Variants in IL1F10 observed in about 807,000 individuals in gnomAD.
IL1F10 encodes the protein interleukin-1 family member 10.
A neutral mutation model predicts 13.1 loss-of-function variants in IL1F10; 13 were observed. That is an observed-to-expected ratio of 0.99 (90% CI 0.64 to 1.57). IL1F10 has a LOEUF of 1.57. Ranked by LOEUF, IL1F10 falls within the 40% of genes most tolerant of loss-of-function variation. The pLI, the probability that IL1F10 is intolerant of heterozygous loss-of-function variation, is 0.00. For synonymous variants in IL1F10, 78 were observed against 68.2 expected (o/e 1.14, Z -0.71); for missense variants, 191 against 184.1 (o/e 1.04, Z -0.22).
Position 113,072,737 on chromosome 2 carries a change from G to A in IL1F10, c.-2G>A. On this transcript the variant is annotated 5_prime_UTR_variant, in exon 2 of 5. Transcript: ENST00000341010. ...GAGGACCAGACACCACTGATTGCAG[G>A]AATGTGTTCCCTCCCCATGGCAAGA... is the stretch of plus-strand genomic sequence containing the variant. The A allele has an allele frequency of 1.9e-6, 3 of 1,613,264 alleles. No individual in the cohort carries two copies. The highest frequency in any genetic ancestry group is 2.5e-6 in the Non-Finnish European group (3 of 1,179,518).
In IL1F10 at chr2:113,072,789, T is replaced by C. The variant is rs367937263; in HGVS notation, c.32+19T>C. ...ACTACATGTAAGTTGTCCTGGCATGTCCCTGCTTTCCAAGCCAGGGGGTCA... is the reference window on the plus strand; with the variant it reads ...ACTACATGTAAGTTGTCCTGGCATGCCCCTGCTTTCCAAGCCAGGGGGTCA... On this transcript the variant is annotated intron_variant, in intron 2 of 4. Coordinates refer to ENST00000341010, the MANE Select transcript of IL1F10 (RefSeq NM_173161.3). The C allele has an allele frequency of 1.6e-5, 25 of 1,609,278 alleles. No homozygotes were observed. Among genetic ancestry groups the C allele is most frequent in the Admixed American group, 5.0e-5 (3 of 59,808 alleles).
chr2:113,074,366 G>C lies in IL1F10; in HGVS notation c.70G>C (p.Asp24His). ...YADQKALYTR[D>H]GQLLVGDPVA... is the part of the protein sequence containing the mutation. ...AGACCAGAAGGCTCTATACACAAGAGATGGCCAGCTGCTGGTGGGAGATCC... is the reference window on the plus strand; with the variant it reads ...AGACCAGAAGGCTCTATACACAAGACATGGCCAGCTGCTGGTGGGAGATCC... The change falls in exon 3 of 5, where the codon GAT (aspartate) becomes CAT (histidine). Residue 24 changes from aspartate to histidine, a missense_variant. Physicochemically the swap from Asp to His is moderately conservative, Grantham distance 81 (BLOSUM62 -1). Transcript: ENST00000341010. The C allele has an allele frequency of 6.2e-7, 1 of 1,613,984 alleles. No individual in the cohort carries two copies. Among genetic ancestry groups the C allele is most frequent in the Non-Finnish European group, 8.5e-7 (1 of 1,179,850 alleles).
In IL1F10 at chr2:113,075,214, G is replaced by C; in HGVS notation, c.309G>C (p.Gln103His). Residue 103 changes from glutamine (Q) to histidine (H), a missense_variant, in exon 5 of 5, where the codon CAG (glutamine) becomes CAC (histidine). By Grantham distance (24) the Gln-to-His change is conservative. Transcript: ENST00000341010. Reference sequence around the variant, plus strand: ...AGGCCACACGCTTCACCTTCTTCCAGAGCAGCTCAGGCTCCGCCTTCAGGC... The same window carrying C: ...AGGCCACACGCTTCACCTTCTTCCACAGCAGCTCAGGCTCCGCCTTCAGGC... ...GEEATRFTFF[Q>H]SSSGSAFRLE... The C allele has an allele frequency of 3.1e-6, 5 of 1,613,974 alleles. No individual in the cohort carries two copies. The highest frequency in any genetic ancestry group is 4.2e-6 in the Non-Finnish European group (5 of 1,179,970).
intron 1 of IL1F10, among the ~76,000 whole-genome samples, chr2:113,069,616 T>A (rs1278940069): frequency 2.6e-5 from 4 of 152,220 alleles, no homozygotes; most frequent in Non-Finnish European, 5.9e-5. Context: ...TTTGGTTGGA[T>A]ATCAGCAGGA....
chr2:113,074,140 C>T (rs1176263595), intron 2 of IL1F10, among the ~76,000 whole-genome samples, 189 bp from the exon 3 acceptor site: 1 of 152,192 alleles, frequency 6.6e-6, no homozygotes, highest in Non-Finnish European at 1.5e-5. Flanking sequence ...ACACAGGAGA[C>T]CTTCCTTGCT....
intron 1 of IL1F10, 40 bp from the exon 2 acceptor site, chr2:113,072,671 C>T (rs1237315027): frequency 1.4e-6 from 2 of 1,443,322 alleles, no homozygotes; most frequent in Non-Finnish European, 1.9e-6. Flanking sequence ...TGGCTTCACC[C>T]AGCCTCCTTT....
At chr2:113,074,674 C>T (rs766852034) in intron 3 of IL1F10, 49 bp from the exon 4 acceptor site, 2 of 1,609,690 alleles carry the variant, frequency 1.2e-6, no homozygotes, top group South Asian at 2.2e-5. Flanking sequence ...CAAGAGCCTG[C>T]AACATGGGGT....
At chr2:113,072,906 A>C (rs1685864973) in intron 2 of IL1F10, 136 bp downstream of exon 2, 1 of 701,732 alleles carries the variant, frequency 1.4e-6, no homozygotes, top group Non-Finnish European at 2.5e-6. Flanking sequence ...CTTCATCATC[A>C]CCACAGTAGC....
intron 4 of IL1F10, 49 bp from the exon 5 acceptor site, chr2:113,075,103 C>A: frequency 6.6e-7 from 1 of 1,525,166 alleles, no homozygotes. Context: ...CCAGGGCTAA[C>A]ACCTCCATCA....
intron 3 of IL1F10, 109 bp from the exon 4 acceptor site, chr2:113,074,613 CA>C: frequency 7.2e-7 from 1 of 1,391,100 alleles, no homozygotes. Context: ...CATGCAGGGC[CA>C]GGCCAGGTGT....
chr2:113,075,698 GA>G lies in IL1F10; in HGVS notation c.*336del, dbSNP rs1206609455. 2 of 176,046 alleles carry G rather than the reference GA, an allele frequency of 1.1e-5. No homozygotes were observed. Among genetic ancestry groups the G allele is most frequent in the Non-Finnish European group, 2.4e-5 (2 of 84,398 alleles). The allele number at this position is 176,046 out of a possible 1,614,324, so 10.9% of individuals were successfully genotyped here. A position where few individuals can be genotyped will look rare whatever the true frequency, so the allele number is the denominator to read the frequency against. ...GAGCCAACAAATGCAGGTGTTTTTA[GA>G]AGGTGGAAAAGCCAAGGGAACGGAT... On this transcript the variant is annotated 3_prime_UTR_variant, in exon 5 of 5. Transcript: ENST00000341010.
intron 2 of IL1F10, among the ~76,000 whole-genome samples, chr2:113,073,635 A>G (rs1047724264): frequency 2.0e-5 from 3 of 152,178 alleles, no homozygotes; most frequent in African/African-American, 7.2e-5. Flanking sequence ...CCGGAAGTTT[A>G]TTTTTATTGT....
chr2:113,072,623 C>A (rs539520371), intron 1 of IL1F10, 88 bp from the exon 2 acceptor site: 2 of 847,586 alleles, frequency 2.4e-6, no homozygotes, highest in Non-Finnish European at 3.8e-6. Context: ...CCGTGCAGCC[C>A]TTGGCTGAGT....
chr2:113,074,804 G>C lies in IL1F10; in HGVS notation c.200G>C (p.Cys67Ser), dbSNP rs1405588416. The C allele has an allele frequency of 6.2e-7, 1 of 1,613,488 alleles. No individual in the cohort carries two copies. Among genetic ancestry groups the C allele is most frequent in the Non-Finnish European group, 8.5e-7 (1 of 1,180,006 alleles). The change falls in exon 4 of 5, where the codon TGC (cysteine) becomes TCC (serine). Residue 67 changes from cysteine (C) to serine (S), a missense_variant. Cys to Ser is a moderately radical substitution (Grantham distance 112). Transcript: ENST00000341010. ...IFLGIQGGSR[C>S]LACVETEEGP... ...CTGGGGATCCAGGGAGGGAGCCGCT[G>C]CCTGGCATGTGTGGAGACAGAAGAG...
Position 113,074,796 on chromosome 2 carries a change from G to T in IL1F10, c.192G>T (p.Gly64=), listed in dbSNP as rs771151360. The change falls in exon 4 of 5, where the codon GGG becomes GGT. Residue 64 remains glycine, a synonymous_variant. Coordinates refer to ENST00000341010, the MANE Select transcript of IL1F10 (RefSeq NM_173161.3). ...CCATTTTCCTGGGGATCCAGGGAGG[G>T]AGCCGCTGCCTGGCATGTGTGGAGA... is the stretch of plus-strand genomic sequence containing the variant. ...KVPIFLGIQG[G]SRCLACVETE... The T allele has an allele frequency of 1.2e-6, 2 of 1,613,764 alleles. No homozygotes were observed. Among genetic ancestry groups the T allele is most frequent in the Non-Finnish European group, 1.7e-6 (2 of 1,180,024 alleles).
chr2:113,074,029 T>G (rs1030683846), intron 2 of IL1F10, among the ~76,000 whole-genome samples: 1 of 152,130 alleles, frequency 6.6e-6, no homozygotes, highest in African/African-American at 2.4e-5. Flanking sequence ...GCCAGGAACA[T>G]TTTCTTTACC....
intron 4 of IL1F10, 78 bp from the exon 5 acceptor site, chr2:113,075,074 G>T: frequency 7.2e-7 from 1 of 1,388,820 alleles, no homozygotes; most frequent in South Asian, 1.4e-5. Context: ...GTCCTTTTTT[G>T]GCCAAGCCCC....
Position 113,075,399 on chromosome 2 carries a change from CA to C in IL1F10, c.*38del. Reference sequence around the variant, plus strand: ...AAACTGCGTTTTAGCCTTGTGCCCCCAAACCAAGCTCATCCTGCTCAGGGTC... The same window carrying C: ...AAACTGCGTTTTAGCCTTGTGCCCCCAACCAAGCTCATCCTGCTCAGGGTC... On this transcript the variant is annotated 3_prime_UTR_variant, in exon 5 of 5. Transcript: ENST00000341010. 1 of 1,478,416 alleles carries C rather than the reference CA, an allele frequency of 6.8e-7. No individual in the cohort carries two copies. The highest frequency in any genetic ancestry group is 9.2e-7 in the Non-Finnish European group (1 of 1,090,420). 91.6% of individuals were successfully genotyped at this position (1,478,416 alleles called of 1,614,324 possible).
rs373507235 is a variant in IL1F10, at chr2:113,072,603, C to A, written c.-28-108C>A. ...TGGCAGGCCAATTATAGACGAATGG[C>A]CTGGGGAACCCGTGCAGCCCTTGGC... is the stretch of plus-strand genomic sequence containing the variant. On this transcript the variant is annotated intron_variant, in intron 1 of 4. Coordinates refer to ENST00000341010, the MANE Select transcript of IL1F10 (RefSeq NM_173161.3). The A allele has an allele frequency of 2.6e-4, 182 of 690,284 alleles. 1 individual carries two copies. The African/African-American group carries it at 2.9e-3, about 11-fold the overall frequency. The allele number at this position is 690,284 out of a possible 1,614,324, so 42.8% of individuals were successfully genotyped here. A position where few individuals can be genotyped will look rare whatever the true frequency, so the allele number is the denominator to read the frequency against.
Sources: allele counts gnomAD v4.1 joint callset (sites outside exome capture counted in the v4.1 genomes callset), GRCh38; gene constraint gnomAD v4.1.1; transcripts MANE v1.5; gene names NCBI Gene and HGNC (gene_info 2026-07-23, HGNC 2026-07-21).